The following WNT7B variants were observed in gnomAD, a reference collection of about 807,000 sequenced individuals.
WNT7B encodes Wnt family member 7B.
WNT7B carries 19 observed loss-of-function variants against 38.2 expected under a neutral mutation model. That is an observed-to-expected ratio of 0.50 (90% CI 0.35 to 0.73). The LOEUF is 0.73. WNT7B is among the 30% of genes least tolerant of loss of function. WNT7B has a pLI of 0.01. For missense variants in WNT7B, 423 were observed against 507.9 expected, an observed-to-expected ratio of 0.83 and a Z score of 1.61; for synonymous variants, 243 against 209.3, an observed-to-expected ratio of 1.16 and a Z score of -1.39.
intron 1 of WNT7B, among the ~76,000 whole-genome samples, chr22:45,962,999 G>T (rs1274021426): frequency 6.6e-6 from 1 of 152,222 alleles, no homozygotes; most frequent in Non-Finnish European, 1.5e-5. Context: ...CTGAGCGGCA[G>T]GTCTGGGGGC....
chr22:45,944,704 C>T (rs1490777030), intron 2 of WNT7B, among the ~76,000 whole-genome samples: 1 of 152,254 alleles, frequency 6.6e-6, no homozygotes, highest in East Asian at 1.9e-4. Context: ...GCCCCATTGG[C>T]CTGTGCTCAC....
At chr22:45,927,046 A>G in intron 3 of WNT7B, 3 of 985,380 alleles carry the variant, frequency 3.0e-6, no homozygotes, top group Non-Finnish European at 3.6e-6. Context: ...TCACCAAGAG[A>G]GGTGCCCTCA....
In WNT7B at chr22:45,976,065, C is replaced by A. The variant is rs1207514158; in HGVS notation, c.71+619G>T. On this transcript the variant is annotated intron_variant, in intron 1 of 3. Transcript: ENST00000339464. The surrounding 1 kb of genome is among the most constrained non-coding windows in gnomAD (Gnocchi z 8.5). ...GGGGCCGGGCCCAGGGCCCAGGGCCCCGGGCGGGCGGGGCACGGGCCCCGG... is the reference window on the plus strand; with the variant it reads ...GGGGCCGGGCCCAGGGCCCAGGGCCACGGGCGGGCGGGGCACGGGCCCCGG... The A allele has an allele frequency of 6.9e-6, 1 of 145,002 alleles. No homozygotes were observed. The highest frequency in any genetic ancestry group is 1.5e-5 in the Non-Finnish European group (1 of 65,166). The allele number at this position is 145,002 out of a possible 1,614,324, so 9.0% of individuals were successfully genotyped here.
chr22:45,941,891 A>G (rs1197616496), intron 2 of WNT7B, among the ~76,000 whole-genome samples: 2 of 151,990 alleles, frequency 1.3e-5, no homozygotes, highest in East Asian at 1.9e-4. Flanking sequence ...CTTTTGTGAG[A>G]TAGACTTCCC....
chr22:45,939,411 T>G (rs918810718), intron 2 of WNT7B, among the ~76,000 whole-genome samples: 9 of 152,158 alleles, frequency 5.9e-5, no homozygotes, highest in African/African-American at 2.2e-4. Context: ...GACGAAAGGA[T>G]AAAGAAAATG....
At chr22:45,972,278 G>T in intron 1 of WNT7B, 1 of 593,560 alleles carries the variant, frequency 1.7e-6, no homozygotes. Flanking sequence ...AGGCTCCGCG[G>T]GCCGGGCGCC....
rs796181475 is a variant in WNT7B, at chr22:45,962,060, C to T, written c.72-11914G>A. ...CTTGCTCCCTCGCGCCCCCGGCGGG[C>T]GGCTGCCCTCCCACCCTCCCCACAT... On this transcript the variant is annotated intron_variant, in intron 1 of 3. Transcript: ENST00000339464. Among the ~76,000 whole-genome samples the T allele has an allele frequency of 6.9e-4, 105 of 152,192 alleles. 1 individual carries two copies. Among genetic ancestry groups the T allele is most frequent in the Middle Eastern group, 6.8e-3 (2 of 294 alleles).
chr22:45,972,116 G>GGGGCCCCCCCCCCC, intron 1 of WNT7B: 12 of 530,730 alleles, frequency 2.3e-5, no homozygotes, highest in Non-Finnish European at 2.6e-5. Flanking sequence ...CCCGGGGGGA[G>GGGGCCCCCCCCCCC]CCCACCCGCC....
At chr22:45,967,960 G>A (rs879212127) in intron 1 of WNT7B, among the ~76,000 whole-genome samples, 4 of 152,242 alleles carry the variant, frequency 2.6e-5, no homozygotes, top group African/African-American at 7.2e-5. Context: ...GAGGCAGCGC[G>A]GGCACTGGGT....
At chr22:45,937,129 G>C (rs1931533504) in intron 2 of WNT7B, among the ~76,000 whole-genome samples, 1 of 152,240 alleles carries the variant, frequency 6.6e-6, no homozygotes, top group South Asian at 2.1e-4. Context: ...GGACCATCCA[G>C]TGCGGCTCCT....
At chr22:45,927,872 A>G (rs376168472) in intron 3 of WNT7B, among the ~76,000 whole-genome samples, 14 of 152,222 alleles carry the variant, frequency 9.2e-5, no homozygotes, top group African/African-American at 3.4e-4. Flanking sequence ...CTCCAGCCTC[A>G]GCGACAGAGC....
At chr22:45,929,572 TCATCCATACTTCCATCCATTCATG>T (rs940806949) in intron 3 of WNT7B, among the ~76,000 whole-genome samples, 1 of 124,436 alleles carries the variant, frequency 8.0e-6, no homozygotes, top group Non-Finnish European at 1.6e-5. Context: ...ATCCCCTCAT[TCATCCATACTTCCATCCATTCATG>T]CATCCATCCA....
At chr22:45,940,424 G>A (rs186289007) in intron 2 of WNT7B, among the ~76,000 whole-genome samples, 48 of 152,208 alleles carry the variant, frequency 3.2e-4, no homozygotes, top group African/African-American at 1.1e-3. Context: ...TGACCTGGAC[G>A]CCACGCTTGC....
intron 2 of WNT7B, among the ~76,000 whole-genome samples, chr22:45,933,124 G>T (rs778934054): frequency 2.4e-4 from 37 of 152,132 alleles, no homozygotes; most frequent in Non-Finnish European, 4.4e-4. Context: ...ACTGGGATGG[G>T]GCCCACCAGC....
chr22:45,952,983 G>A (rs1601732598), intron 1 of WNT7B, among the ~76,000 whole-genome samples: 2 of 152,312 alleles, frequency 1.3e-5, no homozygotes, highest in South Asian at 4.1e-4. Context: ...CCGTTTTTCT[G>A]TCTGACATAT....
chr22:45,957,703 A>AAAAAC lies in WNT7B; in HGVS notation c.72-7558_72-7557insGTTTT, dbSNP rs61398885. Among the ~76,000 whole-genome samples, 421 of 146,206 alleles carry AAAAAC rather than the reference A, an allele frequency of 2.9e-3. 12 individuals carry two copies. Among genetic ancestry groups the AAAAAC allele is most frequent in the African/African-American group, 0.01 (401 of 38,496 alleles). On this transcript the variant is annotated intron_variant, in intron 1 of 3. Coordinates refer to ENST00000339464, the MANE Select transcript of WNT7B (RefSeq NM_058238.3). ...GTCTCAAAAAAAAAAAAAAAAAAAA[A>AAAAAC]AAAAAAAAACAGAAAACACGCTTCA... is the stretch of plus-strand genomic sequence containing the variant.
At position 45,940,091 on chromosome 22, in the gene WNT7B, A is replaced by C. The variant is rs930954473; in HGVS notation, c.299-8722T>G. ...TATACTAAAGACCGTGGGCTTGTAC[A>C]CATTAAATGGATGAATTGTGAAGTA... On this transcript the variant is annotated intron_variant, in intron 2 of 3. Coordinates refer to ENST00000339464, the MANE Select transcript of WNT7B (RefSeq NM_058238.3). 2.6e-5 allele frequency among the ~76,000 whole-genome samples: 4 copies of C among 152,306 alleles called. No homozygotes were observed. The South Asian group carries it at 8.3e-4, about 32-fold the overall frequency.
intron 3 of WNT7B, chr22:45,925,776 T>C (rs1294222228): frequency 1.0e-6 from 1 of 985,260 alleles, no homozygotes; most frequent in Non-Finnish European, 1.2e-6. Flanking sequence ...CCTCTCGGAG[T>C]TCCCAGCCGG....
At chr22:45,927,282 C>T (rs1931114968) in intron 3 of WNT7B, 2 of 985,392 alleles carry the variant, frequency 2.0e-6, no homozygotes, top group East Asian at 1.1e-4. Context: ...CCTGCGGCAG[C>T]CCATTAAAGG....
Sources: allele counts gnomAD v4.1 joint callset (sites outside exome capture counted in the v4.1 genomes callset), GRCh38; gene constraint gnomAD v4.1.1; non-coding constraint Gnocchi (gnomAD v3.1); transcripts MANE v1.5; gene names NCBI Gene and HGNC (gene_info 2026-07-23, HGNC 2026-07-21).